Variants in HPSE2 observed in about 807,000 individuals in gnomAD.
HPSE2 encodes the protein heparanase 2 (inactive).
Under a neutral mutation model 60.5 loss-of-function variants are expected in HPSE2, and 38 were observed. That is an observed-to-expected ratio of 0.63 (90% CI 0.48 to 0.82). The LOEUF (loss-of-function observed/expected upper bound fraction) is 0.82, where lower values mean the gene tolerates loss of function less well. Ranked by LOEUF, HPSE2 falls within the 40% of genes least tolerant of loss-of-function variation. The pLI is 0.00. For missense variants in HPSE2, 713 were observed against 740.4 expected, an observed-to-expected ratio of 0.96 and a Z score of 0.43; for synonymous variants, 295 against 293.2, an observed-to-expected ratio of 1.01 and a Z score of -0.06.
intron 9 of HPSE2, among the ~76,000 whole-genome samples, chr10:98,537,359 C>T (rs1340767525): frequency 1.3e-5 from 2 of 152,078 alleles, no homozygotes; most frequent in African/African-American, 4.8e-5. Context: ...CGGAGGATTA[C>T]CTAGGTGCTG....
At chr10:98,812,915 A>C (rs1217339269) in intron 3 of HPSE2, among the ~76,000 whole-genome samples, 1 of 152,176 alleles carries the variant, frequency 6.6e-6, no homozygotes, top group African/African-American at 2.4e-5. Flanking sequence ...AATATGTGCC[A>C]CTGTAGGTGA....
intron 9 of HPSE2, among the ~76,000 whole-genome samples, chr10:98,523,633 T>C (rs1942869483): frequency 6.6e-6 from 1 of 152,226 alleles, no homozygotes; most frequent in Non-Finnish European, 1.5e-5. Flanking sequence ...CAAACTCTCA[T>C]ACAAAATAAG....
At chr10:99,017,421 G>A (rs1480418392) in intron 3 of HPSE2, among the ~76,000 whole-genome samples, 1 of 152,140 alleles carries the variant, frequency 6.6e-6, no homozygotes, top group African/African-American at 2.4e-5. Flanking sequence ...GCTGAATTCG[G>A]TTTGCCAGTA....
At chr10:98,792,288 G>A (rs1221425108) in intron 3 of HPSE2, among the ~76,000 whole-genome samples, 1 of 151,734 alleles carries the variant, frequency 6.6e-6, no homozygotes, top group Non-Finnish European at 1.5e-5. Flanking sequence ...ATCAGTTTCT[G>A]TATTTGTGTA....
Position 99,048,126 on chromosome 10 carries a change from A to G in HPSE2, c.610+96112T>C, listed in dbSNP as rs568593746. On this transcript the variant is annotated intron_variant, in intron 3 of 11. Transcript: ENST00000370552. Reference sequence around the variant, plus strand: ...TACAAGCGTGCTTATGGCAAAATCAATAAGAAGCAAATTGCTTTGACAGAT... The same window carrying G: ...TACAAGCGTGCTTATGGCAAAATCAGTAAGAAGCAAATTGCTTTGACAGAT... The G allele has an allele frequency of 1.6e-4, 148 of 946,092 alleles. No homozygotes were observed. In the South Asian group the frequency reaches 1.8e-3, roughly 12 times the overall value. The allele number at this position is 946,092 out of a possible 1,614,324, so 58.6% of individuals were successfully genotyped here. A position where few individuals can be genotyped will look rare whatever the true frequency, so the allele number is the denominator to read the frequency against.
At chr10:98,718,464 G>C (rs1948843563) in intron 5 of HPSE2, among the ~76,000 whole-genome samples, 1 of 152,078 alleles carries the variant, frequency 6.6e-6, no homozygotes. Context: ...GAGGAAGTCA[G>C]TATATCAAAA....
At chr10:99,185,122 A>G (rs759988432) in intron 2 of HPSE2, among the ~76,000 whole-genome samples, 11 of 151,730 alleles carry the variant, frequency 7.2e-5, no homozygotes, top group Non-Finnish European at 1.3e-4. Flanking sequence ...CTACATGGTG[A>G]AGCCCTGTCT....
intron 5 of HPSE2, among the ~76,000 whole-genome samples, chr10:98,707,739 C>T (rs1554973303): frequency 6.6e-6 from 1 of 152,100 alleles, no homozygotes; most frequent in Non-Finnish European, 1.5e-5. Context: ...CATGATCCTA[C>T]AGAGGAAAAT....
At chr10:98,845,485 A>G (rs1366619590) in intron 3 of HPSE2, among the ~76,000 whole-genome samples, 1 of 152,228 alleles carries the variant, frequency 6.6e-6, no homozygotes, top group Non-Finnish European at 1.5e-5. Flanking sequence ...TGTGAGTATA[A>G]AGTAATGGGC....
chr10:98,825,625 G>C (rs569631108), intron 3 of HPSE2, among the ~76,000 whole-genome samples: 1 of 146,300 alleles, frequency 6.8e-6, no homozygotes, highest in East Asian at 2.1e-4. Flanking sequence ...GGGCGGGGGT[G>C]GGGGAGGTGT....
At chr10:99,117,104 A>T (rs1844724326) in intron 3 of HPSE2, among the ~76,000 whole-genome samples, 1 of 152,218 alleles carries the variant, frequency 6.6e-6, no homozygotes, top group South Asian at 2.1e-4. Flanking sequence ...TGCAATATAC[A>T]TGACAAAAGA....
the HPSE2 span, among the ~76,000 whole-genome samples, chr10:99,297,951 T>C: frequency 6.6e-6 from 1 of 152,192 alleles, no homozygotes; most frequent in African/African-American, 2.4e-5. Context: ...AAGTTTGAAG[T>C]ATTATTTTCT....
intron 3 of HPSE2, among the ~76,000 whole-genome samples, chr10:99,113,951 T>C (rs1223628504): frequency 1.3e-5 from 2 of 152,214 alleles, no homozygotes; most frequent in African/African-American, 2.4e-5. Flanking sequence ...GTTGTTCCTA[T>C]GTGCTGACAT....
chr10:98,981,661 C>T (rs1208141740), intron 3 of HPSE2, among the ~76,000 whole-genome samples: 2 of 152,156 alleles, frequency 1.3e-5, no homozygotes, highest in East Asian at 1.9e-4. Flanking sequence ...GATATCTCTT[C>T]TAGCTTCTTG....
intron 2 of HPSE2, among the ~76,000 whole-genome samples, chr10:99,161,849 C>T (rs1473101071): frequency 4.6e-5 from 7 of 152,142 alleles, no homozygotes; most frequent in Non-Finnish European, 7.4e-5. Context: ...TATTATTCAG[C>T]CTTAAAAGAA....
At chr10:99,023,811 C>A (rs1434480984) in intron 3 of HPSE2, among the ~76,000 whole-genome samples, 2 of 152,216 alleles carry the variant, frequency 1.3e-5, no homozygotes, top group African/African-American at 4.8e-5. Flanking sequence ...AAAGCAGATA[C>A]AGCTTAGATC....
intron 3 of HPSE2, among the ~76,000 whole-genome samples, chr10:98,946,048 A>C (rs11189898): frequency 0.46 from 69,884 of 151,858 alleles, 18,221 homozygotes; most frequent in Non-Finnish European, 0.59. Flanking sequence ...TGTGTAGCCT[A>C]GAAATATCAA....
At chr10:98,994,491 G>C (rs1203772559) in intron 3 of HPSE2, among the ~76,000 whole-genome samples, 1 of 152,162 alleles carries the variant, frequency 6.6e-6, no homozygotes, top group Admixed American at 6.5e-5. Context: ...AGGCATCATA[G>C]GCAAGTAGCT....
chr10:99,123,514 C>CGCTTCTCTCCTTCTT (rs1845041736), intron 3 of HPSE2, among the ~76,000 whole-genome samples: 1 of 152,196 alleles, frequency 6.6e-6, no homozygotes, highest in Non-Finnish European at 1.5e-5. Flanking sequence ...CTCTCCTTAT[C>CGCTTCTCTCCTTCTT]GCTTCTCTCC....
Sources: gnomAD v4.1 joint callset for allele counts (sites outside exome capture counted in the v4.1 genomes callset) on GRCh38, gnomAD v4.1.1 for gene constraint, MANE v1.5 for transcripts, NCBI Gene and HGNC (gene_info 2026-07-23, HGNC 2026-07-21) for gene names.